SUGCT: variants seen among roughly 807,000 people sequenced by gnomAD.
SUGCT encodes the protein succinyl-CoA:glutarate CoA-transferase.
Under a neutral mutation model 55.0 loss-of-function variants are expected in SUGCT, and 41 were observed. The observed-to-expected ratio is 0.74, with a 90% CI of 0.58 to 0.97. The LOEUF is 0.97. Among genes scored for constraint, SUGCT ranks in the 50% least tolerant of loss-of-function variants. SUGCT has a pLI of 0.00. For missense variants in SUGCT, 568 were observed against 547.8 expected (o/e 1.04, Z -0.37); for synonymous variants, 187 against 200.4 (o/e 0.93, Z 0.56).
At chr7:40,173,597 C>T (rs141801247) in intron 1 of SUGCT, among the ~76,000 whole-genome samples, 136 of 152,244 alleles carry the variant, frequency 8.9e-4, no homozygotes, top group African/African-American at 3.2e-3. Flanking sequence ...ATTTCTTTAC[C>T]TCCTGCTTTT....
intron 8 of SUGCT, among the ~76,000 whole-genome samples, chr7:40,277,637 G>A (rs961927940): frequency 6.6e-6 from 1 of 151,498 alleles, no homozygotes; most frequent in Non-Finnish European, 1.5e-5. Context: ...AGTGGTTAGA[G>A]AACTTCAAAA....
At chr7:40,558,602 G>A (rs1310403702) in intron 12 of SUGCT, among the ~76,000 whole-genome samples, 2 of 152,182 alleles carry the variant, frequency 1.3e-5, no homozygotes, top group Admixed American at 6.5e-5. Context: ...ACCAGGCTTC[G>A]GTTGGTGGGG....
At chr7:40,449,475 A>G (rs1789071675) in intron 10 of SUGCT, 117 bp downstream of exon 10, 3 of 707,506 alleles carry the variant, frequency 4.2e-6, no homozygotes, top group Non-Finnish European at 7.7e-6. Context: ...AGTATAGGAT[A>G]TTCATGCGCA....
intron 12 of SUGCT, among the ~76,000 whole-genome samples, chr7:40,645,105 C>T (rs149335639): frequency 5.3e-5 from 8 of 152,292 alleles, no homozygotes; most frequent in Non-Finnish European, 1.2e-4. Flanking sequence ...ATCTCCTGCT[C>T]CTTTTCCTTT....
intron 8 of SUGCT, among the ~76,000 whole-genome samples, chr7:40,304,448 T>G (rs1794728397): frequency 6.6e-6 from 1 of 151,670 alleles, no homozygotes; most frequent in African/African-American, 2.4e-5. Context: ...TTTTATTTTT[T>G]TATTTCACTA....
In SUGCT at chr7:40,401,347, T is replaced by C. The variant is rs1451794123; in HGVS notation, c.817-47940T>C. Among the ~76,000 whole-genome samples the C allele has an allele frequency of 5.3e-5, 8 of 152,216 alleles. No homozygotes were observed. In the East Asian group the frequency reaches 1.2e-3, roughly 22 times the overall value. On this transcript the variant is annotated intron_variant, in intron 9 of 13. Transcript: ENST00000335693. ...GAGGTCTGCTATACACTAGGTCCAA[T>C]AGGGCTATCTTGAAATGATTCAGAG...
At chr7:40,167,709 T>C (rs914359305) in intron 1 of SUGCT, among the ~76,000 whole-genome samples, 3 of 152,168 alleles carry the variant, frequency 2.0e-5, no homozygotes, top group African/African-American at 7.2e-5. Flanking sequence ...GCAGGAACAA[T>C]GGTGAGCCTT....
Position 40,221,576 on chromosome 7 carries a change from C to T in SUGCT, c.485-16059C>T, listed in dbSNP as rs546394770. On this transcript the variant is annotated intron_variant, in intron 6 of 13. Coordinates refer to ENST00000335693, the MANE Select transcript of SUGCT (RefSeq NM_001193313.2). ...CATGAACTTGGCTCACTGCAAGCTC[C>T]GCCTCCCGGGTTCAAGTGATACTTG... 2.0e-5 allele frequency among the ~76,000 whole-genome samples: 3 copies of T among 149,424 alleles called. No individual in the cohort carries two copies. The South Asian group carries it at 6.4e-4, about 32-fold the overall frequency.
In SUGCT at chr7:40,465,882, AATAAAT is replaced by A. The variant is rs554616276; in HGVS notation, c.986+6688_986+6693del. On this transcript the variant is annotated intron_variant, in intron 11 of 13. Transcript: ENST00000335693. ...CTCTCTTCACCTTTCAAAAAAAATA[AATAAAT>A]ATATTTTTTTTGAGACAAGGTCTCA... is the stretch of plus-strand genomic sequence containing the variant. Among the ~76,000 whole-genome samples, 28 of 152,090 alleles carry A rather than the reference AATAAAT, an allele frequency of 1.8e-4. No individual in the cohort carries two copies. In the South Asian group the frequency reaches 4.2e-3, roughly 23 times the overall value.
At chr7:40,740,678 G>A (rs1029374784) in intron 12 of SUGCT, among the ~76,000 whole-genome samples, 10 of 151,656 alleles carry the variant, frequency 6.6e-5, no homozygotes, top group African/African-American at 2.4e-4. Context: ...TCTTTAAAAA[G>A]TTGAGATTAT....
In SUGCT at chr7:40,860,424, G is replaced by A; in HGVS notation, c.1262G>A (p.Arg421Lys). Residue 421 changes from arginine to lysine, a missense_variant, in exon 14 of 14, where the codon AGG becomes AAG. Coordinates refer to ENST00000335693, the MANE Select transcript of SUGCT (RefSeq NM_001193313.2). ...ILKEVLRYDD[R>K]AIGELLSAGV... ...AAGGAGGTCCTGAGATACGATGACA[G>A]GGCCATCGGGGAGCTGCTCAGCGCT... 9 of 1,613,960 alleles carry A rather than the reference G, an allele frequency of 5.6e-6. No individual in the cohort carries two copies. The highest frequency in any genetic ancestry group is 7.6e-6 in the Non-Finnish European group (9 of 1,179,838).
the SUGCT span, among the ~76,000 whole-genome samples, chr7:40,871,747 T>C: frequency 1.3e-5 from 2 of 151,504 alleles, no homozygotes; most frequent in Admixed American, 6.6e-5. Context: ...TCAAACCTTG[T>C]CTGGAGGAGG....
chr7:40,202,971 C>T (rs1256379461), intron 6 of SUGCT, among the ~76,000 whole-genome samples: 1 of 152,152 alleles, frequency 6.6e-6, no homozygotes. Flanking sequence ...TAGCCATAAC[C>T]CCTTGCCTTT....
intron 6 of SUGCT, among the ~76,000 whole-genome samples, chr7:40,227,203 C>T (rs1788428123): frequency 1.3e-5 from 2 of 151,812 alleles, no homozygotes; most frequent in African/African-American, 2.4e-5. Context: ...CCCGCCACCA[C>T]GCCTGGCTAA....
intron 9 of SUGCT, among the ~76,000 whole-genome samples, chr7:40,417,206 A>G (rs1787051912): frequency 6.6e-6 from 1 of 151,892 alleles, no homozygotes; most frequent in Admixed American, 6.6e-5. Context: ...CTTAGATCAT[A>G]CATTTCAGCT....
At chr7:40,805,050 C>A (rs1311152444) in intron 13 of SUGCT, among the ~76,000 whole-genome samples, 1 of 152,142 alleles carries the variant, frequency 6.6e-6, no homozygotes, top group East Asian at 1.9e-4. Flanking sequence ...GATATGTCTA[C>A]ACGAAAGCAC....
chr7:40,170,934 G>A (rs533793258), intron 1 of SUGCT, among the ~76,000 whole-genome samples: 66 of 152,200 alleles, frequency 4.3e-4, no homozygotes, highest in African/African-American at 1.5e-3. Context: ...CAGCATACCC[G>A]ACATTGCCTT....
At chr7:40,397,022 A>G (rs1785770526) in intron 9 of SUGCT, among the ~76,000 whole-genome samples, 1 of 152,190 alleles carries the variant, frequency 6.6e-6, no homozygotes, top group South Asian at 2.1e-4. Flanking sequence ...AATAATATAT[A>G]TCAGATAGAC....
intron 13 of SUGCT, among the ~76,000 whole-genome samples, chr7:40,808,616 G>A (rs1791234172): frequency 6.6e-6 from 1 of 152,200 alleles, no homozygotes; most frequent in Non-Finnish European, 1.5e-5. Context: ...ATAAGGAACT[G>A]GTTGGTGGTA....
Sources: gnomAD v4.1 joint callset for allele counts (sites outside exome capture counted in the v4.1 genomes callset) on GRCh38, gnomAD v4.1.1 for gene constraint, MANE v1.5 for transcripts, NCBI Gene and HGNC (gene_info 2026-07-23, HGNC 2026-07-21) for gene names.